The following CCSER1 variants were observed in gnomAD, a reference collection of about 807,000 sequenced individuals.
CCSER1 encodes the protein serine-rich coiled-coil domain-containing protein 1.
In CCSER1, 41 loss-of-function variants were observed where a neutral mutation model predicts 82.0. That is an observed-to-expected ratio of 0.50 (90% CI 0.39 to 0.65). The LOEUF is 0.65. Among genes scored for constraint, CCSER1 ranks in the 30% least tolerant of loss-of-function variants. The pLI is 0.00. For missense variants in CCSER1, 1,119 were observed against 1,064.2 expected, an observed-to-expected ratio of 1.05 and a Z score of -0.72; for synonymous variants, 414 against 383.9, an observed-to-expected ratio of 1.08 and a Z score of -0.92.
intron 5 of CCSER1, among the ~76,000 whole-genome samples, chr4:90,493,988 A>G (rs1768537449): frequency 1.3e-5 from 2 of 152,216 alleles, no homozygotes; most frequent in African/African-American, 2.4e-5. Flanking sequence ...TAAAGAGTCA[A>G]GACCCATCAG....
intron 7 of CCSER1, among the ~76,000 whole-genome samples, chr4:90,747,339 T>G (rs1285433861): frequency 6.6e-6 from 1 of 152,194 alleles, no homozygotes; most frequent in African/African-American, 2.4e-5. Context: ...GAAAGGATTT[T>G]ATTATAGAAT....
intron 10 of CCSER1, among the ~76,000 whole-genome samples, chr4:91,259,592 G>GC (rs1038470211): frequency 2.2e-5 from 3 of 137,538 alleles, no homozygotes; most frequent in Non-Finnish European, 4.7e-5. Flanking sequence ...CCCTCCCCTA[G>GC]CCCCCCACCC....
At chr4:91,093,590 A>C (rs1724196830) in intron 10 of CCSER1, among the ~76,000 whole-genome samples, 1 of 152,204 alleles carries the variant, frequency 6.6e-6, no homozygotes, top group Non-Finnish European at 1.5e-5. Flanking sequence ...CAGGGCTCTC[A>C]GACGTGGAGG....
chr4:90,812,793 A>G (rs894967706), intron 7 of CCSER1, among the ~76,000 whole-genome samples: 2 of 152,106 alleles, frequency 1.3e-5, no homozygotes, highest in African/African-American at 4.8e-5. Context: ...GGAGAGAGAG[A>G]GAGCTTAAGG....
At chr4:90,539,945 A>G (rs902136698) in intron 5 of CCSER1, among the ~76,000 whole-genome samples, 2 of 152,168 alleles carry the variant, frequency 1.3e-5, no homozygotes, top group Admixed American at 1.3e-4. Context: ...ACACATTTAT[A>G]GAGACCCTTC....
At chr4:91,009,492 TAGTC>T (rs71596545) in intron 9 of CCSER1, among the ~76,000 whole-genome samples, 9,917 of 152,236 alleles carry the variant, frequency 0.065, 452 homozygotes, top group East Asian at 0.19. Context: ...TAGGGATTCT[TAGTC>T]AGCCTAAGAA....
At position 90,210,998 on chromosome 4, in the gene CCSER1, C is replaced by T. The variant is rs963309156; in HGVS notation, c.-42+83167C>T. On this transcript the variant is annotated intron_variant, in intron 1 of 10. Coordinates refer to ENST00000509176, the MANE Select transcript of CCSER1 (RefSeq NM_001145065.2). Reference sequence around the variant, plus strand: ...ATTTCAGTTGTCTTGAGTGTATTCTCAGACTTTCAACAGTTTATATTTCCC... The same window carrying T: ...ATTTCAGTTGTCTTGAGTGTATTCTTAGACTTTCAACAGTTTATATTTCCC... 1.3e-5 allele frequency among the ~76,000 whole-genome samples: 2 copies of T among 152,064 alleles called. 1 individual carries two copies. Among genetic ancestry groups the T allele is most frequent in the South Asian group, 4.1e-4 (2 of 4,826 alleles).
chr4:91,534,503 T>C (rs1461127715), intron 10 of CCSER1, among the ~76,000 whole-genome samples: 2 of 152,036 alleles, frequency 1.3e-5, no homozygotes, highest in Non-Finnish European at 2.9e-5. Context: ...TGCTATGTAT[T>C]TAGTTATCAT....
At chr4:90,560,409 T>G (rs1479677118) in intron 5 of CCSER1, among the ~76,000 whole-genome samples, 2 of 152,094 alleles carry the variant, frequency 1.3e-5, no homozygotes, top group Non-Finnish European at 2.9e-5. Context: ...CAATACTCAG[T>G]CTGGACTGTA....
chr4:91,479,527 A>G (rs1199099575), intron 10 of CCSER1, among the ~76,000 whole-genome samples: 1 of 151,674 alleles, frequency 6.6e-6, no homozygotes, highest in Non-Finnish European at 1.5e-5. Flanking sequence ...AAATAATGAA[A>G]GGTAAATCAA....
At chr4:90,750,565 C>G (rs909557710) in intron 7 of CCSER1, among the ~76,000 whole-genome samples, 1 of 152,132 alleles carries the variant, frequency 6.6e-6, no homozygotes, top group East Asian at 1.9e-4. Context: ...TCTTCAGCTG[C>G]TGCCAGCTCT....
chr4:90,687,411 A>G (rs532009865), intron 6 of CCSER1, among the ~76,000 whole-genome samples: 2 of 152,256 alleles, frequency 1.3e-5, no homozygotes, highest in East Asian at 3.9e-4. Context: ...TTACAGGAAA[A>G]AAAAATAGAC....
chr4:91,449,546 T>A (rs898814726), intron 10 of CCSER1, among the ~76,000 whole-genome samples: 37 of 152,020 alleles, frequency 2.4e-4, no homozygotes, highest in African/African-American at 8.9e-4. Context: ...CTGAGCTCTG[T>A]TTAGGTTCCT....
At chr4:91,121,058 T>C (rs184857135) in intron 10 of CCSER1, among the ~76,000 whole-genome samples, 24 of 152,006 alleles carry the variant, frequency 1.6e-4, no homozygotes, top group Admixed American at 5.3e-4. Context: ...ACAGTTTCAA[T>C]TGGAAAATTT....
intron 1 of CCSER1, among the ~76,000 whole-genome samples, chr4:90,276,247 TTTCTTTCCTTCCTTCCTTCCTTCCTTCC>T (rs1429394913): frequency 9.1e-5 from 9 of 99,436 alleles, no homozygotes; most frequent in African/African-American, 3.7e-4. Context: ...TCTTTCTTTC[TTTCTTTCCTTCCTTCCTTCCTTCCTTCC>T]TTCCTTCCTT....
intron 5 of CCSER1, among the ~76,000 whole-genome samples, chr4:90,590,206 AGAGGTT>A (rs1782524020): frequency 1.3e-5 from 2 of 152,076 alleles, no homozygotes; most frequent in African/African-American, 4.8e-5. Flanking sequence ...ACCAGGAGAA[AGAGGTT>A]GCACTGGGCC....
At chr4:90,734,169 A>C (rs1745264343) in intron 7 of CCSER1, among the ~76,000 whole-genome samples, 1 of 151,990 alleles carries the variant, frequency 6.6e-6, no homozygotes, top group Admixed American at 6.6e-5. Context: ...TTTGTCGCCC[A>C]GGCTGGAGTG....
rs372742098 is a variant in CCSER1, at chr4:91,152,283, A to G, written c.2217+66289A>G. Among the ~76,000 whole-genome samples, 174 of 152,086 alleles carry G rather than the reference A, an allele frequency of 1.1e-3. 2 individuals carry two copies. The highest frequency in any genetic ancestry group is 3.9e-3 in the African/African-American group (163 of 41,484). On this transcript the variant is annotated intron_variant, in intron 10 of 10. Transcript: ENST00000509176. Reference sequence around the variant, plus strand: ...TCTTTTAAAGTCTGTTTTATTAGAGACTAGGATTGCAACCCCTGCTCCCCT... The same window carrying G: ...TCTTTTAAAGTCTGTTTTATTAGAGGCTAGGATTGCAACCCCTGCTCCCCT...
At chr4:90,745,382 A>T (rs879763386) in intron 7 of CCSER1, among the ~76,000 whole-genome samples, 1 of 152,228 alleles carries the variant, frequency 6.6e-6, no homozygotes, top group Non-Finnish European at 1.5e-5. Flanking sequence ...AAATTCTATT[A>T]CAAGGTTGGC....
Sources: allele counts gnomAD v4.1 joint callset (sites outside exome capture counted in the v4.1 genomes callset), GRCh38; gene constraint gnomAD v4.1.1; transcripts MANE v1.5; gene names NCBI Gene and HGNC (gene_info 2026-07-23, HGNC 2026-07-21).